The following PARD3 variants were observed in gnomAD, a reference collection of about 807,000 sequenced individuals.
PARD3 encodes the protein par-3 family cell polarity regulator.
PARD3 carries 75 observed loss-of-function variants against 155.4 expected under a neutral mutation model. That is an observed-to-expected ratio of 0.48 (90% CI 0.40 to 0.58). PARD3 has a LOEUF of 0.58. Ranked by LOEUF, PARD3 falls within the 20% of genes least tolerant of loss-of-function variation. The probability of loss-of-function intolerance (pLI) is 0.00; values close to 1 mark genes in which losing one functional copy is unlikely to be tolerated. For synonymous variants in PARD3, 576 were observed against 610.5 expected (o/e 0.94, Z 0.83); for missense variants, 1,642 against 1,721.7 (o/e 0.95, Z 0.82).
chr10:34,232,977 C>T (rs1431706356), intron 22 of PARD3, among the ~76,000 whole-genome samples: 1 of 150,300 alleles, frequency 6.7e-6, no homozygotes, highest in South Asian at 2.1e-4. Flanking sequence ...TCTGGGATTA[C>T]AGGCCTGAGC....
At chr10:34,735,092 G>C (rs543651309) in intron 1 of PARD3, among the ~76,000 whole-genome samples, 3 of 151,968 alleles carry the variant, frequency 2.0e-5, no homozygotes, top group Non-Finnish European at 4.4e-5. Context: ...TGGTGCTAAG[G>C]GAAATTAAGG....
At chr10:34,599,551 G>A (rs896475484) in intron 2 of PARD3, among the ~76,000 whole-genome samples, 6 of 152,140 alleles carry the variant, frequency 3.9e-5, no homozygotes, top group African/African-American at 7.2e-5. Context: ...TTATCTTCAA[G>A]TATTTGAATG....
Position 34,500,661 on chromosome 10 carries a change from G to A in PARD3, c.403+16318C>T, listed in dbSNP as rs549307865. Among the ~76,000 whole-genome samples, 104 of 152,236 alleles carry A rather than the reference G, an allele frequency of 6.8e-4. 1 individual carries two copies. In the South Asian group the frequency reaches 7.5e-3, roughly 11 times the overall value. On this transcript the variant is annotated intron_variant, in intron 3 of 24. Transcript: ENST00000374788. Reference sequence around the variant, plus strand: ...GGAGGCTGAGGTGGGAGAACAGCTTGAACCCAGGGCATGGAGGCTGCAGTG... The same window carrying A: ...GGAGGCTGAGGTGGGAGAACAGCTTAAACCCAGGGCATGGAGGCTGCAGTG...
At chr10:34,493,569 T>A (rs2080060685) in intron 3 of PARD3, among the ~76,000 whole-genome samples, 1 of 151,868 alleles carries the variant, frequency 6.6e-6, no homozygotes, top group African/African-American at 2.4e-5. Flanking sequence ...CCATCTCTAT[T>A]AAAAATACAA....
At chr10:34,740,386 A>G (rs368277105) in intron 1 of PARD3, among the ~76,000 whole-genome samples, 2 of 152,246 alleles carry the variant, frequency 1.3e-5, no homozygotes, top group East Asian at 1.9e-4. Context: ...CTCCCTGTCA[A>G]CAAACATATC....
chr10:34,666,777 T>TA (rs771593408), intron 2 of PARD3, among the ~76,000 whole-genome samples: 6 of 17,058 alleles, frequency 3.5e-4, no homozygotes, highest in East Asian at 7.8e-3. Context: ...CCCCTCCCCC[T>TA]AAAAAAAAAA....
intron 1 of PARD3, among the ~76,000 whole-genome samples, chr10:34,771,418 C>T (rs1588679526): frequency 6.6e-6 from 1 of 152,274 alleles, no homozygotes; most frequent in East Asian, 1.9e-4. Context: ...TAGTGCCTGG[C>T]ACATGGGGAG....
chr10:34,596,278 C>T (rs2089246817), intron 2 of PARD3, among the ~76,000 whole-genome samples: 1 of 151,786 alleles, frequency 6.6e-6, no homozygotes, highest in Non-Finnish European at 1.5e-5. Context: ...GTTGACCATA[C>T]CTGCATATGG....
At chr10:34,286,934 G>A (rs1956423423) in intron 20 of PARD3, among the ~76,000 whole-genome samples, 1 of 152,124 alleles carries the variant, frequency 6.6e-6, no homozygotes, top group African/African-American at 2.4e-5. Context: ...TGATGGGGAG[G>A]TCATGGACGT....
intron 1 of PARD3, among the ~76,000 whole-genome samples, chr10:34,719,842 TG>T (rs1281372241): frequency 6.6e-6 from 1 of 152,220 alleles, no homozygotes; most frequent in African/African-American, 2.4e-5. Flanking sequence ...ATGTGAAATA[TG>T]GTACTAAAGC....
In PARD3 at chr10:34,563,470, G is replaced by A. The variant is rs367918439; in HGVS notation, c.223-46311C>T. Among the ~76,000 whole-genome samples, 10 of 151,626 alleles carry A rather than the reference G, an allele frequency of 6.6e-5. No individual in the cohort carries two copies. The East Asian group carries it at 7.8e-4, about 12-fold the overall frequency. Reference sequence around the variant, plus strand: ...CAACCTCCACCTCCCGGGTTCAAGCGATTCTCCTGCCTCAGCCTCCCAAGT... The same window carrying A: ...CAACCTCCACCTCCCGGGTTCAAGCAATTCTCCTGCCTCAGCCTCCCAAGT... On this transcript the variant is annotated intron_variant, in intron 2 of 24. Transcript: ENST00000374788.
intron 23 of PARD3, among the ~76,000 whole-genome samples, chr10:34,128,125 G>C (rs1947385364): frequency 1.3e-5 from 2 of 152,136 alleles, no homozygotes; most frequent in African/African-American, 4.8e-5. Flanking sequence ...TTTACACCTG[G>C]ATGCTGATCC....
At chr10:34,387,065 C>T (rs1166217853) in intron 7 of PARD3, among the ~76,000 whole-genome samples, 2 of 152,110 alleles carry the variant, frequency 1.3e-5, no homozygotes, top group Non-Finnish European at 2.9e-5. Context: ...ACCAGACACA[C>T]TTTGGAATGT....
chr10:34,607,599 T>C (rs554448656), intron 2 of PARD3, among the ~76,000 whole-genome samples: 1 of 152,350 alleles, frequency 6.6e-6, no homozygotes, highest in Non-Finnish European at 1.5e-5. Context: ...CATGATCCTT[T>C]TTCTGTTGCA....
At chr10:34,455,383 A>G (rs141861556) in intron 4 of PARD3, among the ~76,000 whole-genome samples, 1 of 152,278 alleles carries the variant, frequency 6.6e-6, no homozygotes, top group Non-Finnish European at 1.5e-5. Context: ...AGAGAATTCA[A>G]TGTTCTGCTT....
intron 2 of PARD3, among the ~76,000 whole-genome samples, chr10:34,602,336 GA>G (rs2132509946): frequency 6.6e-6 from 1 of 152,032 alleles, no homozygotes; most frequent in East Asian, 1.9e-4. Flanking sequence ...AAATATTGTA[GA>G]TCCACTAATG....
intron 22 of PARD3, among the ~76,000 whole-genome samples, chr10:34,144,353 A>G (rs1948353273): frequency 6.6e-6 from 1 of 152,338 alleles, no homozygotes; most frequent in Admixed American, 6.5e-5. Context: ...TAAAGCTTTC[A>G]GTCGTTTTCT....
At chr10:34,265,395 T>G (rs1955251927) in intron 22 of PARD3, among the ~76,000 whole-genome samples, 1 of 152,214 alleles carries the variant, frequency 6.6e-6, no homozygotes, top group African/African-American at 2.4e-5. Flanking sequence ...TCCATATTTC[T>G]GACTATAAGA....
chr10:34,655,310 A>G (rs2093135591), intron 2 of PARD3, among the ~76,000 whole-genome samples: 1 of 152,064 alleles, frequency 6.6e-6, no homozygotes, highest in African/African-American at 2.4e-5. Flanking sequence ...TTTTTTCACA[A>G]TGCACCTGTT....
Sources: allele counts gnomAD v4.1 joint callset (sites outside exome capture counted in the v4.1 genomes callset), GRCh38; gene constraint gnomAD v4.1.1; transcripts MANE v1.5; gene names NCBI Gene and HGNC (gene_info 2026-07-23, HGNC 2026-07-21).